The following MYH7B variants were observed in gnomAD, a reference collection of about 807,000 sequenced individuals.
The protein encoded by MYH7B is myosin-7B.
A neutral mutation model predicts 234.5 loss-of-function variants in MYH7B; 205 were observed. The ratio of observed to expected loss-of-function variants is 0.87; its 90% CI spans 0.78 to 0.98. MYH7B has a LOEUF of 0.98. Ranked by LOEUF, MYH7B falls within the 50% of genes least tolerant of loss-of-function variation. The probability of loss-of-function intolerance (pLI) is 0.00; values close to 1 mark genes in which losing one functional copy is unlikely to be tolerated. For missense variants in MYH7B, 2,652 were observed against 2,633.4 expected, an observed-to-expected ratio of 1.01 and a Z score of -0.15; for synonymous variants, 1,193 against 1,105.0, an observed-to-expected ratio of 1.08 and a Z score of -1.58.
exon 34 of MYH7B, chr20:34,998,518 G>A (rs769127219): frequency 2.5e-6 from 4 of 1,613,506 alleles, no homozygotes; most frequent in Non-Finnish European, 3.4e-6. Flanking sequence ...CAGGGGAGCT[G>A]AGTCGCCTGC....
exon 19 of MYH7B, chr20:34,988,134 A>G: frequency 6.2e-7 from 1 of 1,614,162 alleles, no homozygotes; most frequent in Non-Finnish European, 8.5e-7. Flanking sequence ...CACCAATGAG[A>G]AATTGCAGCA....
chr20:34,986,618 G>A (rs2082028352), intron 14 of MYH7B, among the ~76,000 whole-genome samples: 1 of 152,204 alleles, frequency 6.6e-6, no homozygotes, highest in Admixed American at 6.5e-5. Flanking sequence ...AGTGAGACGT[G>A]AGGACTGTGG....
At chr20:34,999,098 G>C in exon 36 of MYH7B, 1 of 1,613,224 alleles carries the variant, frequency 6.2e-7, no homozygotes, top group Non-Finnish European at 8.5e-7. Flanking sequence ...AGGAGGGCGT[G>C]GAGGCTGCCA....
At chr20:34,985,954 G>A in intron 13 of MYH7B, 146 bp from the exon 14 acceptor site, 1 of 687,508 alleles carries the variant, frequency 1.5e-6, no homozygotes, top group Non-Finnish European at 2.6e-6. Context: ...AGGCACAGGG[G>A]AGATACCCTC....
chr20:34,986,250 C>G, intron 14 of MYH7B, 52 bp downstream of exon 14: 1 of 1,394,860 alleles, frequency 7.2e-7, no homozygotes, highest in South Asian at 1.2e-5. Flanking sequence ...GAGGGGCTGC[C>G]TGGCGCTTCC....
chr20:34,984,827 C>G (rs371008362), intron 11 of MYH7B, 27 bp from the exon 12 acceptor site: 1 of 1,604,046 alleles, frequency 6.2e-7, no homozygotes, highest in East Asian at 2.2e-5. Context: ...CCAGAACTGA[C>G]AGACCCCCTC....
intron 24 of MYH7B, among the ~76,000 whole-genome samples, chr20:34,991,726 G>GAT (rs2082154594): frequency 6.6e-6 from 1 of 152,122 alleles, no homozygotes; most frequent in Admixed American, 6.6e-5. Flanking sequence ...TCCCTCAATG[G>GAT]GCAACAAGCA....
At chr20:34,977,655 C>A (rs1316931631) in exon 4 of MYH7B, 2 of 1,578,298 alleles carry the variant, frequency 1.3e-6, no homozygotes, top group East Asian at 4.6e-5. Context: ...GGTAGCAGAG[C>A]TTCCTGCCCT....
At chr20:34,994,545 C>A in intron 27 of MYH7B, 144 bp downstream of exon 27, 1 of 1,035,254 alleles carries the variant, frequency 9.7e-7, no homozygotes, top group Non-Finnish European at 1.4e-6. Flanking sequence ...CCTCCATGTC[C>A]CAGCCTCACC....
At chr20:34,997,841 C>A (rs981434862) in intron 32 of MYH7B, among the ~76,000 whole-genome samples, 3 of 152,106 alleles carry the variant, frequency 2.0e-5, no homozygotes, top group Non-Finnish European at 4.4e-5. Context: ...TTCCCTGACT[C>A]CAGGTCATTT....
In MYH7B at chr20:34,999,762, A is replaced by G. The variant is rs767714953; in HGVS notation, c.4666-29A>G. ...GCTCCACTGGCCATCCCCCCCCCCC[A>G]CCCTACCCTGCCTGCTCTGTATCCA... On this transcript the variant is annotated intron_variant, in intron 37 of 44. Transcript: ENST00000262873. 4.8e-5 allele frequency: 28 copies of G among 578,514 alleles called. 1 individual carries two copies. The highest frequency in any genetic ancestry group is 5.0e-4 in the Middle Eastern group (1 of 1,990). The allele number at this position is 578,514 out of a possible 1,614,324, so 35.8% of individuals were successfully genotyped here.
intron 2 of MYH7B, among the ~76,000 whole-genome samples, chr20:34,962,520 G>A (rs1266579792): frequency 1.3e-5 from 2 of 152,140 alleles, no homozygotes; most frequent in Non-Finnish European, 2.9e-5. Flanking sequence ...AAATGATGCA[G>A]TGTTTCATAT....
Position 34,996,602 on chromosome 20 carries a change from C to T in MYH7B, c.3121-11C>T, listed in dbSNP as rs1298394047. 2 of 1,608,432 alleles carry T rather than the reference C, an allele frequency of 1.2e-6. No homozygotes were observed. The highest frequency in any genetic ancestry group is 1.1e-5 in the South Asian group (1 of 90,426). On this transcript the variant is annotated splice_polypyrimidine_tract_variant and intron_variant, in intron 29 of 44. Transcript: ENST00000262873. The stretch of plus-strand genomic sequence containing the variant: ...GGGCCATGGCTGACCCCTGCTGTGC[C>T]TGCTCTGCAGCTGGAATGCTCCCTG...
At chr20:34,976,328 C>T (rs2081853839) in intron 3 of MYH7B, among the ~76,000 whole-genome samples, 1 of 152,240 alleles carries the variant, frequency 6.6e-6, no homozygotes. Context: ...AATGGGAGCG[C>T]ATCGGTCGGA....
chr20:34,996,831 T>C (rs2082268953), intron 30 of MYH7B, 73 bp downstream of exon 30: 2 of 1,553,894 alleles, frequency 1.3e-6, no homozygotes, highest in Non-Finnish European at 1.7e-6. Context: ...TGGATTCTTG[T>C]GGTTCCTGCG....
chr20:35,001,549 A>ACCTGGACC (rs756479180), intron 43 of MYH7B, 23 bp downstream of exon 43: 2 of 1,577,608 alleles, frequency 1.3e-6, no homozygotes, highest in Middle Eastern at 1.8e-4. Flanking sequence ...GGGCCTGGAC[A>ACCTGGACC]CCTGGACCGG....
chr20:34,994,740 T>C (rs73905031), intron 27 of MYH7B, among the ~76,000 whole-genome samples: 3,825 of 152,328 alleles, frequency 0.025, 160 homozygotes, highest in African/African-American at 0.088. Flanking sequence ...AACAGGGTGA[T>C]AGCCAGAGAG....
At chr20:34,987,225 T>G (rs1283490958) in exon 16 of MYH7B, 1 of 1,612,272 alleles carries the variant, frequency 6.2e-7, no homozygotes, top group Admixed American at 1.7e-5. Flanking sequence ...CTCCTGCACT[T>G]TGGCAACATG....
At chr20:34,977,858 G>T (rs765466194) in intron 4 of MYH7B, 76 bp from the exon 5 acceptor site, 1 of 1,583,466 alleles carries the variant, frequency 6.3e-7, no homozygotes, top group Non-Finnish European at 8.6e-7. Flanking sequence ...GAGCCAGAGG[G>T]AGTCGCCTAG....
Sources: allele counts gnomAD v4.1 joint callset (sites outside exome capture counted in the v4.1 genomes callset), GRCh38; gene constraint gnomAD v4.1.1; transcripts MANE v1.5; gene names NCBI Gene and HGNC (gene_info 2026-07-23, HGNC 2026-07-21).